Variants in ITGAX observed in about 807,000 individuals in gnomAD.
ITGAX encodes integrin alpha-X.
In ITGAX, 99 loss-of-function variants were observed where a neutral mutation model predicts 140.2. That is an observed-to-expected ratio of 0.71 (90% CI 0.60 to 0.83). The LOEUF (loss-of-function observed/expected upper bound fraction) is 0.83. ITGAX is among the 40% of genes least tolerant of loss of function. The pLI is 0.00. For missense variants in ITGAX, 1,444 were observed against 1,482.0 expected (o/e 0.97, Z 0.42); for synonymous variants, 631 against 600.4 (o/e 1.05, Z -0.75).
intron 1 of ITGAX, 39 bp from the exon 2 acceptor site, chr16:31,355,854 A>G (rs771752902): frequency 6.7e-7 from 1 of 1,484,852 alleles, no homozygotes; most frequent in Non-Finnish European, 9.4e-7. Context: ...GGCAGAAGGA[A>G]GACCCTTCTC....
chr16:31,371,240 C>T lies in ITGAX; in HGVS notation c.1841+26C>T, dbSNP rs1181821012. On this transcript the variant is annotated intron_variant, in intron 15 of 29. Coordinates refer to ENST00000268296, the MANE Select transcript of ITGAX (RefSeq NM_000887.5). ...GTGAGAGCAGCCTTTCTCAGAGGCTCCCCAGGTGGTCCTAGGTTCAGATGG... is the reference window on the plus strand; with the variant it reads ...GTGAGAGCAGCCTTTCTCAGAGGCTTCCCAGGTGGTCCTAGGTTCAGATGG... 3 of 1,602,880 alleles carry T rather than the reference C, an allele frequency of 1.9e-6. No individual in the cohort carries two copies. The Admixed American group carries it at 5.0e-5, about 27-fold the overall frequency.
chr16:31,376,358 T>C (rs2142525177), intron 20 of ITGAX, among the ~76,000 whole-genome samples: 1 of 152,310 alleles, frequency 6.6e-6, no homozygotes, highest in Admixed American at 6.5e-5. Context: ...TGGTGGCTCA[T>C]ACCTGTAATC....
intron 7 of ITGAX, 54 bp from the exon 8 acceptor site, chr16:31,360,256 A>G: frequency 6.4e-7 from 1 of 1,550,812 alleles, no homozygotes; most frequent in Non-Finnish European, 8.7e-7. Context: ...CAAGGGCACC[A>G]GGGGCTAGTG....
At position 31,371,145 on chromosome 16, in the gene ITGAX, G is replaced by T; in HGVS notation, c.1772G>T (p.Gly591Val). ...TATTTTGGGCAGGCACTGAGCGGGG[G>T]TCAAGACCTCACCCAGGATGGACTG... ...LQYFGQALSG[G>V]QDLTQDGLVD... is the part of the protein sequence containing the mutation. The change falls in exon 15 of 30, where the codon GGT becomes GTT. Residue 591 changes from glycine (G) to valine (V), a missense_variant. Physicochemically the swap from Gly to Val is moderately radical, Grantham distance 109. Transcript: ENST00000268296. 1 of 1,614,018 alleles carries T rather than the reference G, an allele frequency of 6.2e-7. No homozygotes were observed. Among genetic ancestry groups the T allele is most frequent in the Non-Finnish European group, 8.5e-7 (1 of 1,179,972 alleles).
At chr16:31,361,297 G>C in intron 9 of ITGAX, 84 bp downstream of exon 9, 2 of 1,424,580 alleles carry the variant, frequency 1.4e-6, no homozygotes, top group Non-Finnish European at 9.6e-7. Context: ...CGTGAAACAG[G>C]TAGACAGCGT....
chr16:31,378,831 TTTG>T (rs1274970834), intron 23 of ITGAX, among the ~76,000 whole-genome samples: 4 of 151,238 alleles, frequency 2.6e-5, no homozygotes, highest in African/African-American at 9.8e-5. Context: ...TTTTTTTTTT[TTTG>T]AGACCAAGTC....
chr16:31,369,139 G>T (rs2080925471), intron 14 of ITGAX, among the ~76,000 whole-genome samples: 1 of 152,128 alleles, frequency 6.6e-6, no homozygotes, highest in Non-Finnish European at 1.5e-5. Flanking sequence ...TCCCAGACGG[G>T]GTGGTGGCCG....
intron 16 of ITGAX, 53 bp from the exon 17 acceptor site, chr16:31,371,577 A>G: frequency 6.2e-7 from 1 of 1,610,880 alleles, no homozygotes; most frequent in Non-Finnish European, 8.5e-7. Flanking sequence ...CACCCTGCTC[A>G]TTGTCCACCC....
In ITGAX at chr16:31,376,920, G is replaced by A. The variant is rs1450950042; in HGVS notation, c.2625+5G>A. 3 of 1,614,204 alleles carry A rather than the reference G, an allele frequency of 1.9e-6. No individual in the cohort carries two copies. In the South Asian group the frequency reaches 3.3e-5, roughly 18 times the overall value. ...ATCTTCCGTGGCGGCGCCCAGGTCA[G>A]CCTGGCTTCTGTCCCCTCACTGCTC... On this transcript the variant is annotated splice_donor_5th_base_variant and intron_variant, in intron 21 of 29. Coordinates refer to ENST00000268296, the MANE Select transcript of ITGAX (RefSeq NM_000887.5).
Position 31,362,082 on chromosome 16 carries a change from C to A in ITGAX, c.1094C>A (p.Pro365His). Residue 365 changes from proline (P) to histidine (H), a missense_variant, in exon 11 of 30, where the codon CCC (proline) becomes CAC (histidine). Coordinates refer to ENST00000268296, the MANE Select transcript of ITGAX (RefSeq NM_000887.5). ...GFSAVFTPDG[P>H]VLGAVGSFTW... ...GGAATCCTTTTCTCCCAGGATGGCC[C>A]CGTTCTGGGGGCTGTGGGGAGCTTC... 6.2e-7 allele frequency: 1 copy of A among 1,614,120 alleles called. No homozygotes were observed. Among genetic ancestry groups the A allele is most frequent in the Non-Finnish European group, 8.5e-7 (1 of 1,180,000 alleles).
At chr16:31,374,527 C>A (rs941304192) in intron 20 of ITGAX, among the ~76,000 whole-genome samples, 3 of 152,076 alleles carry the variant, frequency 2.0e-5, no homozygotes, top group East Asian at 1.9e-4. Flanking sequence ...GTAGCCTTGA[C>A]CTCCTGGGCT....
intron 4 of ITGAX, 28 bp from the exon 5 acceptor site, chr16:31,357,225 G>GC (rs2080771774): frequency 1.9e-6 from 3 of 1,556,216 alleles, no homozygotes. Flanking sequence ...AGCAGGGGCA[G>GC]CCCCCCAGCA....
intron 2 of ITGAX, 133 bp downstream of exon 2, chr16:31,356,131 G>C (rs2080757763): frequency 1.6e-6 from 1 of 637,180 alleles, no homozygotes; most frequent in Non-Finnish European, 2.7e-6. Flanking sequence ...GGCTAATGAA[G>C]ATTTGCCTTG....
chr16:31,356,999 G>T, intron 3 of ITGAX, 32 bp from the exon 4 acceptor site: 1 of 1,574,050 alleles, frequency 6.4e-7, no homozygotes, highest in Non-Finnish European at 8.6e-7. Flanking sequence ...CTGTACCCCC[G>T]AGAGTGACCA....
In ITGAX at chr16:31,381,033, A is replaced by G; in HGVS notation, c.3387+26A>G. The G allele has an allele frequency of 1.9e-6, 3 of 1,560,732 alleles. No individual in the cohort carries two copies. In the South Asian group the frequency reaches 3.3e-5, roughly 17 times the overall value. Reference sequence around the variant, plus strand: ...GTGAGTGTTTTATGCCACTCTTGACACCACCAGCATCTGGTCCCGCTCTTT... The same window carrying G: ...GTGAGTGTTTTATGCCACTCTTGACGCCACCAGCATCTGGTCCCGCTCTTT... On this transcript the variant is annotated intron_variant, in intron 29 of 29. Transcript: ENST00000268296.
In ITGAX at chr16:31,360,428, G is replaced by A. The variant is rs1204640264; in HGVS notation, c.826G>A (p.Ala276Thr). Reference sequence around the variant, plus strand: ...GGATTATAAGGATGTCATCCCCATGGCTGATGCAGCAGGCATCATCCGCTA... The same window carrying A: ...GGATTATAAGGATGTCATCCCCATGACTGATGCAGCAGGCATCATCCGCTA... The part of the protein sequence containing the change: ...SLDYKDVIPM[A>T]DAAGIIRYAI... The change falls in exon 8 of 30, where the codon GCT (alanine) becomes ACT (threonine). Residue 276 changes from alanine (A) to threonine (T), a missense_variant. By Grantham distance (58) the Ala-to-Thr change is moderately conservative. Coordinates refer to ENST00000268296, the MANE Select transcript of ITGAX (RefSeq NM_000887.5). 2 of 1,613,530 alleles carry A rather than the reference G, an allele frequency of 1.2e-6. No homozygotes were observed. The highest frequency in any genetic ancestry group is 3.3e-5 in the Admixed American group (2 of 59,932).
chr16:31,375,071 A>G (rs1448602736), intron 20 of ITGAX, among the ~76,000 whole-genome samples: 1 of 151,168 alleles, frequency 6.6e-6, no homozygotes, highest in African/African-American at 2.4e-5. Flanking sequence ...GCTAGGGTGC[A>G]GTGGCACGAT....
At chr16:31,374,041 G>A (rs564866275) in intron 20 of ITGAX, among the ~76,000 whole-genome samples, 5 of 152,270 alleles carry the variant, frequency 3.3e-5, no homozygotes, top group Admixed American at 2.6e-4. Flanking sequence ...GTAATCCCAG[G>A]ACTTCGGGAG....
chr16:31,372,229 C>A (rs1294420162), intron 17 of ITGAX, 149 bp from the exon 18 acceptor site: 7 of 827,062 alleles, frequency 8.5e-6, no homozygotes, highest in Non-Finnish European at 1.3e-5. Flanking sequence ...GTCAGGGAGG[C>A]CTCCTGAAGG....
Sources: allele counts gnomAD v4.1 joint callset (sites outside exome capture counted in the v4.1 genomes callset), GRCh38; gene constraint gnomAD v4.1.1; transcripts MANE v1.5; gene names NCBI Gene and HGNC (gene_info 2026-07-23, HGNC 2026-07-21).